NRXN1: variants seen among roughly 807,000 people sequenced by gnomAD.
NRXN1 encodes neurexin 1.
NRXN1 carries 39 observed loss-of-function variants against 150.9 expected under a neutral mutation model. The ratio of observed to expected loss-of-function variants is 0.26; its 90% confidence interval spans 0.20 to 0.34. The LOEUF (loss-of-function observed/expected upper bound fraction) is 0.34, where lower values mean the gene tolerates loss of function less well. Among genes scored for constraint, NRXN1 ranks in the 10% least tolerant of loss-of-function variants. The pLI is 1.00. For missense variants in NRXN1, 1,815 were observed against 1,949.9 expected, an observed-to-expected ratio of 0.93 and a Z score of 1.30; for synonymous variants, 924 against 757.0, an observed-to-expected ratio of 1.22 and a Z score of -3.62.
At chr2:49,970,018 C>T (rs1207909617) in intron 21 of NRXN1, 4 of 152,046 alleles carry the variant, frequency 2.6e-5, no homozygotes, top group South Asian at 2.1e-4. Context: ...TAATTTCTTT[C>T]GGGAACTGAC....
chr2:50,598,219 C>G (rs942497816), intron 8 of NRXN1, among the ~76,000 whole-genome samples: 6 of 151,792 alleles, frequency 4.0e-5, no homozygotes, highest in Non-Finnish European at 8.8e-5. Context: ...GAGTCCAAAT[C>G]AAAACTAAAT....
chr2:50,978,132 T>A (rs1382464721), intron 2 of NRXN1, among the ~76,000 whole-genome samples: 5 of 150,644 alleles, frequency 3.3e-5, no homozygotes, highest in African/African-American at 7.3e-5. Context: ...ATATATATAT[T>A]CATTTTAAAC....
At chr2:50,697,427 A>G (rs1252316256) in intron 5 of NRXN1, among the ~76,000 whole-genome samples, 1 of 152,124 alleles carries the variant, frequency 6.6e-6, no homozygotes, top group African/African-American at 2.4e-5. Context: ...TTTCAAAGTG[A>G]AACTTGACAA....
intron 17 of NRXN1, among the ~76,000 whole-genome samples, chr2:50,440,692 A>G (rs940318694): frequency 3.3e-5 from 5 of 152,028 alleles, no homozygotes; most frequent in African/African-American, 1.2e-4. Context: ...TCTTTCCCCC[A>G]GTGTGGTTTA....
At chr2:50,538,898 G>A (rs1001060705) in intron 9 of NRXN1, among the ~76,000 whole-genome samples, 1 of 151,608 alleles carries the variant, frequency 6.6e-6, no homozygotes, top group African/African-American at 2.4e-5. Context: ...TAGTGTTTGA[G>A]AGCCTCAAAC....
At chr2:50,323,148 T>C (rs921530235) in intron 17 of NRXN1, among the ~76,000 whole-genome samples, 2 of 152,200 alleles carry the variant, frequency 1.3e-5, no homozygotes, top group African/African-American at 4.8e-5. Context: ...CCTATATGGT[T>C]GTTCAGAGTC....
chr2:50,783,872 T>G (rs1346401373), intron 5 of NRXN1, among the ~76,000 whole-genome samples: 2 of 152,096 alleles, frequency 1.3e-5, no homozygotes, highest in Admixed American at 6.6e-5. Context: ...AGAAAGCTGA[T>G]AGTAAACCGT....
At chr2:50,274,163 T>A (rs2070094164) in intron 17 of NRXN1, among the ~76,000 whole-genome samples, 1 of 152,140 alleles carries the variant, frequency 6.6e-6, no homozygotes, top group Admixed American at 6.6e-5. Context: ...AAAGAAGATG[T>A]GGCACATATA....
At chr2:50,282,303 A>G (rs1574915014) in intron 17 of NRXN1, among the ~76,000 whole-genome samples, 1 of 152,174 alleles carries the variant, frequency 6.6e-6, no homozygotes, top group African/African-American at 2.4e-5. Flanking sequence ...AATTTTAGGC[A>G]GGTCACTCAG....
At chr2:50,168,678 T>C (rs2059832525) in intron 18 of NRXN1, among the ~76,000 whole-genome samples, 1 of 152,170 alleles carries the variant, frequency 6.6e-6, no homozygotes, top group Non-Finnish European at 1.5e-5. Context: ...AATAGAAATT[T>C]CATGGCCAGA....
chr2:50,427,900 C>A (rs1046483798), intron 17 of NRXN1, among the ~76,000 whole-genome samples: 1 of 152,142 alleles, frequency 6.6e-6, no homozygotes, highest in Non-Finnish European at 1.5e-5. Context: ...CTTAGATTTA[C>A]CACTTGAAAC....
intron 18 of NRXN1, among the ~76,000 whole-genome samples, chr2:50,154,953 C>T (rs909919895): frequency 2.6e-5 from 4 of 151,328 alleles, no homozygotes; most frequent in Non-Finnish European, 5.9e-5. Flanking sequence ...ATTAAACAAC[C>T]TTAACTTAAA....
At chr2:50,371,475 C>T (rs11693745) in intron 17 of NRXN1, among the ~76,000 whole-genome samples, 13,688 of 151,982 alleles carry the variant, frequency 0.09, 839 homozygotes, top group Non-Finnish European at 0.13. Context: ...ACAGAAAGAC[C>T]TATATACATT....
chr2:50,985,929 C>G (rs538289361), intron 2 of NRXN1, among the ~76,000 whole-genome samples: 1 of 151,728 alleles, frequency 6.6e-6, no homozygotes, highest in African/African-American at 2.4e-5. Flanking sequence ...GATTCTACAA[C>G]TCTCAAAGAA....
intron 17 of NRXN1, among the ~76,000 whole-genome samples, chr2:50,245,650 T>C (rs2066429258): frequency 6.6e-6 from 1 of 151,882 alleles, no homozygotes; most frequent in African/African-American, 2.4e-5. Flanking sequence ...CAATGTCCTT[T>C]AACTTACTTA....
At chr2:50,990,595 G>A (rs186238677) in intron 2 of NRXN1, among the ~76,000 whole-genome samples, 47 of 152,154 alleles carry the variant, frequency 3.1e-4, no homozygotes, top group African/African-American at 1.0e-3. Flanking sequence ...GTCATCAGGT[G>A]TAGACATAGA....
chr2:50,471,254 C>T (rs1440989589), intron 16 of NRXN1, among the ~76,000 whole-genome samples: 4 of 151,634 alleles, frequency 2.6e-5, no homozygotes, highest in Non-Finnish European at 5.9e-5. Context: ...CAATCCCCTT[C>T]CCACGATTCC....
chr2:50,405,824 C>G (rs2082715626), intron 17 of NRXN1, among the ~76,000 whole-genome samples: 1 of 152,016 alleles, frequency 6.6e-6, no homozygotes, highest in Admixed American at 6.6e-5. Flanking sequence ...ATAATAATTA[C>G]AGGAAAAATA....
chr2:50,470,863 G>A (rs993134414), intron 16 of NRXN1, among the ~76,000 whole-genome samples: 2 of 151,778 alleles, frequency 1.3e-5, no homozygotes, highest in Non-Finnish European at 2.9e-5. Context: ...TACTCCTACA[G>A]ATCTTGGTCT....
Sources: gnomAD v4.1 joint callset for allele counts (sites outside exome capture counted in the v4.1 genomes callset) on GRCh38, gnomAD v4.1.1 for gene constraint, MANE v1.5 for transcripts, NCBI Gene and HGNC (gene_info 2026-07-23, HGNC 2026-07-21) for gene names.